The following INHBA variants were observed in gnomAD, a reference collection of about 807,000 sequenced individuals.
INHBA encodes inhibin beta A chain.
INHBA carries 1 observed loss-of-function variant against 29.0 expected under a neutral mutation model. The observed-to-expected ratio is 0.03, with a 90% confidence interval of 0.01 to 0.16. The LOEUF is 0.16. Among genes scored for constraint, INHBA ranks in the 10% least tolerant of loss-of-function variants. INHBA has a pLI of 1.00. For missense variants in INHBA, 376 were observed against 545.4 expected (o/e 0.69, Z 3.09); for synonymous variants, 242 against 216.8 (o/e 1.12, Z -1.02).
At position 41,690,096 on chromosome 7, in the gene INHBA, C is replaced by T; in HGVS notation, c.835G>A (p.Ala279Thr). ...GKKKGGGEGG[A>T]GADEEKEQSH... ...TGCTCCTTTTCCTCATCTGCTCCTG[C>T]CCCACCTTCACCTCCGCCCTTCTTT... Residue 279 changes from alanine (A) to threonine (T), a missense_variant, in exon 3 of 3, where the codon GCA (alanine) becomes ACA (threonine). By Grantham distance (58) the Ala-to-Thr change is moderately conservative. Transcript: ENST00000242208. 5 of 1,613,772 alleles carry T rather than the reference C, an allele frequency of 3.1e-6. No homozygotes were observed. Among genetic ancestry groups the T allele is most frequent in the Non-Finnish European group, 4.2e-6 (5 of 1,179,972 alleles).
chr7:41,699,548 A>T (rs1349816268), intron 2 of INHBA, among the ~76,000 whole-genome samples: 2 of 152,072 alleles, frequency 1.3e-5, no homozygotes, highest in Non-Finnish European at 2.9e-5. Flanking sequence ...ATCCTGGTAC[A>T]TTCACCCCTC....
At position 41,700,443 on chromosome 7, in the gene INHBA, GT is replaced by G. The variant is rs1794754579; in HGVS notation, c.-70del. On this transcript the variant is annotated 5_prime_UTR_variant, in exon 2 of 3. Coordinates refer to ENST00000242208, the MANE Select transcript of INHBA (RefSeq NM_002192.4). ...GCTTTTCCTCCCCCCTCACGCGCAG[GT>G]TTTTTTGTGTGTGTGGATTTTTTTA... 4 of 1,305,970 alleles carry G rather than the reference GT, an allele frequency of 3.1e-6. No individual in the cohort carries two copies. The highest frequency in any genetic ancestry group is 4.0e-6 in the Non-Finnish European group (4 of 1,002,724). The allele number at this position is 1,305,970 out of a possible 1,614,324, so 80.9% of individuals were successfully genotyped here.
chr7:41,705,163 A>T (rs1208260071), upstream of INHBA: 3 of 152,526 alleles, frequency 2.0e-5, no homozygotes, highest in African/African-American at 4.8e-5. Flanking sequence ...TGGTCAGCCC[A>T]GTCCTGACCA....
At chr7:41,694,783 T>C (rs967486698) in intron 2 of INHBA, among the ~76,000 whole-genome samples, 2 of 152,122 alleles carry the variant, frequency 1.3e-5, no homozygotes, top group African/African-American at 4.8e-5. Flanking sequence ...TCTATGAGCT[T>C]GGTGGACACA....
chr7:41,701,093 T>C (rs1794781903), intron 1 of INHBA, among the ~76,000 whole-genome samples: 1 of 152,144 alleles, frequency 6.6e-6, no homozygotes, highest in South Asian at 2.1e-4. Flanking sequence ...CACTATTTTT[T>C]TTTCTTTCTC....
Position 41,690,463 on chromosome 7 carries a change from C to G in INHBA, c.468G>C (p.Trp156Cys). The G allele has an allele frequency of 6.2e-7, 1 of 1,613,954 alleles. No individual in the cohort carries two copies. The highest frequency in any genetic ancestry group is 8.5e-7 in the Non-Finnish European group (1 of 1,180,032). ...TGGCCTTGGGGACTTTTAGGAAGAG[C>G]CAGACTTCTGCACGCTCCACCACTG... ...DLSVVERAEVWLFLKVPKANR... is the reference protein window; with the variant it reads ...DLSVVERAEVCLFLKVPKANR... The change falls in exon 3 of 3, where the codon TGG (tryptophan) becomes TGC (cysteine). Residue 156 changes from tryptophan (W) to cysteine (C), a missense_variant. By Grantham distance (215) the Trp-to-Cys change is radical (BLOSUM62 -2). Transcript: ENST00000242208.
intron 2 of INHBA, among the ~76,000 whole-genome samples, chr7:41,694,733 C>T (rs1347779545): frequency 2.0e-5 from 3 of 152,160 alleles, no homozygotes. Flanking sequence ...GAAAGTCCCA[C>T]GCAAACCCAT....
chr7:41,700,075 A>G lies in INHBA; in HGVS notation c.300T>C (p.Tyr100=), dbSNP rs757935652. 18 of 1,613,110 alleles carry G rather than the reference A, an allele frequency of 1.1e-5. No homozygotes were observed. Among genetic ancestry groups the G allele is most frequent in the Non-Finnish European group, 1.4e-5 (17 of 1,179,784 alleles). Residue 100 remains tyrosine (Y), a synonymous_variant, in exon 2 of 3, where the codon TAT becomes TAC. Coordinates refer to ENST00000242208, the MANE Select transcript of INHBA (RefSeq NM_002192.4). ...TTCCAATGTCATCCTCTATCTCCACATACCCGTTCTCCCCGACTTTGCCCA... is the reference window on the plus strand; with the variant it reads ...TTCCAATGTCATCCTCTATCTCCACGTACCCGTTCTCCCCGACTTTGCCCA... ...LHVGKVGENG[Y]VEIEDDIGRR... is the part of the protein sequence containing the mutation.
rs1370180190 is a variant in INHBA at position 41,686,302 on chromosome 7, C to A, written c.*3348G>T. 2 of 152,002 alleles carry A rather than the reference C, an allele frequency of 1.3e-5. No homozygotes were observed. The highest frequency in any genetic ancestry group is 1.9e-4 in the East Asian group (1 of 5,182). 9.4% of individuals were successfully genotyped at this position (152,002 alleles called of 1,614,324 possible). Reference sequence around the variant, plus strand: ...ATTAAAAGATATTTAAAGACAAATTCTTTTCAGAGCTTCTAAGATTGGTGT... The same window carrying A: ...ATTAAAAGATATTTAAAGACAAATTATTTTCAGAGCTTCTAAGATTGGTGT... On this transcript the variant is annotated 3_prime_UTR_variant, in exon 3 of 3. Transcript: ENST00000242208.
At chr7:41,698,438 G>A (rs769739594) in intron 2 of INHBA, among the ~76,000 whole-genome samples, 28 of 152,138 alleles carry the variant, frequency 1.8e-4, no homozygotes, top group Admixed American at 6.5e-5. Flanking sequence ...CACATGCACA[G>A]CCAAATATTG....
In INHBA at chr7:41,690,514, C is replaced by T. The variant is rs774041611; in HGVS notation, c.417G>A (p.Glu139=). 1.1e-5 allele frequency: 18 copies of T among 1,608,990 alleles called. No homozygotes were observed. The highest frequency in any genetic ancestry group is 1.4e-5 in the Non-Finnish European group (17 of 1,177,908). ...SGTARKTLHF[E]ISKEGSDLSV... ...ACAGGTCACTGCCTTCCTTGGAAAT[C>T]TCGAAGTGCAGCGTCTTCCTGGCTG... The change falls in exon 3 of 3, where the codon GAG becomes GAA. Residue 139 remains glutamate, a synonymous_variant. Transcript: ENST00000242208.
rs774463919 is a variant in INHBA, at chr7:41,700,042, T to C, written c.333A>G (p.Ala111=). The C allele has an allele frequency of 3.7e-6, 6 of 1,609,050 alleles. No individual in the cohort carries two copies. In the East Asian group the frequency reaches 9.0e-5, roughly 24 times the overall value. Reference sequence around the variant, plus strand: ...TCTGCTCCATAAGTTCATTCATTTCTGCCCTCCTTCCAATGTCATCCTCTA... The same window carrying C: ...TCTGCTCCATAAGTTCATTCATTTCCGCCCTCCTTCCAATGTCATCCTCTA... The part of the protein sequence containing the change: ...VEIEDDIGRR[A]EMNELMEQTS... The change falls in exon 2 of 3, where the codon GCA becomes GCG. Residue 111 remains alanine (A), a synonymous_variant. Transcript: ENST00000242208.
rs1445921771 is a variant in INHBA at position 41,689,409 on chromosome 7, C to T, written c.*241G>A. 6.3e-6 allele frequency: 3 copies of T among 473,254 alleles called. No homozygotes were observed. Among genetic ancestry groups the T allele is most frequent in the Non-Finnish European group, 1.1e-5 (3 of 270,876 alleles). 29.3% of individuals were successfully genotyped at this position (473,254 alleles called of 1,614,324 possible). A position where few individuals can be genotyped will look rare whatever the true frequency, so the allele number is the denominator to read the frequency against. On this transcript the variant is annotated 3_prime_UTR_variant, in exon 3 of 3. Coordinates refer to ENST00000242208, the MANE Select transcript of INHBA (RefSeq NM_002192.4). ...GGGTACACCATTCTCCCTTTCCCTC[C>T]CAATTCCTGTCTCTTTCACTGCTTC...
upstream of INHBA, among the ~76,000 whole-genome samples, chr7:41,704,472 C>G (rs1393926119): frequency 6.6e-6 from 1 of 152,086 alleles, no homozygotes; most frequent in Non-Finnish European, 1.5e-5. Context: ...GAACTCAAAC[C>G]CTTTATAAGA....
At chr7:41,705,368 C>G (rs1351105391), upstream of INHBA, 1 of 152,320 alleles carries the variant, frequency 6.6e-6, no homozygotes, top group African/African-American at 2.4e-5. Flanking sequence ...TGCCTGGAGC[C>G]AGGGCCAAGC....
Position 41,689,523 on chromosome 7 carries a change from G to GTT in INHBA, c.*125_*126dup, listed in dbSNP as rs202220254. ...TTTTAATTTACTTTTGTTTTTTTTT[G>GTT]TTTTTTTTTTTGTTTTGTTTTTAAT... is the stretch of plus-strand genomic sequence containing the variant. On this transcript the variant is annotated 3_prime_UTR_variant, in exon 3 of 3. Transcript: ENST00000242208. 3.9e-3 allele frequency: 2,171 copies of GTT among 562,088 alleles called. 4 individuals are homozygous for GTT. The highest frequency in any genetic ancestry group is 0.014 in the Middle Eastern group (25 of 1,738). 34.8% of individuals were successfully genotyped at this position (562,088 alleles called of 1,614,324 possible).
Position 41,700,461 on chromosome 7 carries a change from A to AT in INHBA, c.-88dup, listed in dbSNP as rs1173838532. 68 of 1,134,448 alleles carry AT rather than the reference A, an allele frequency of 6.0e-5. No homozygotes were observed. Among genetic ancestry groups the AT allele is most frequent in the Middle Eastern group, 2.8e-4 (1 of 3,604 alleles). The allele number at this position is 1,134,448 out of a possible 1,614,324, so 70.3% of individuals were successfully genotyped here. On this transcript the variant is annotated 5_prime_UTR_variant, in exon 2 of 3. Coordinates refer to ENST00000242208, the MANE Select transcript of INHBA (RefSeq NM_002192.4). ...CGCGCAGGTTTTTTTGTGTGTGTGGATTTTTTTATTTTTTTTTTTGGTGTT... is the reference window on the plus strand; with the variant it reads ...CGCGCAGGTTTTTTTGTGTGTGTGGATTTTTTTTATTTTTTTTTTTGGTGTT...
At chr7:41,704,628 G>A (rs1794871575), upstream of INHBA, among the ~76,000 whole-genome samples, 3 of 142,962 alleles carry the variant, frequency 2.1e-5, no homozygotes, top group South Asian at 6.9e-4. Context: ...GTGTGTGTGT[G>A]TGTGTGTGTG....
In INHBA at chr7:41,688,525, G is replaced by A. The variant is rs1420343770; in HGVS notation, c.*1125C>T. 1.3e-5 allele frequency: 2 copies of A among 151,226 alleles called. No individual in the cohort carries two copies. The highest frequency in any genetic ancestry group is 1.3e-4 in the Admixed American group (2 of 15,166). The allele number at this position is 151,226 out of a possible 1,614,324, so 9.4% of individuals were successfully genotyped here. A position where few individuals can be genotyped will look rare whatever the true frequency, so the allele number is the denominator to read the frequency against. ...TTGGTGTATGTGTCTATTTTTTAAG[G>A]TACAAAATAATAATAATAATTATAA... On this transcript the variant is annotated 3_prime_UTR_variant, in exon 3 of 3. Coordinates refer to ENST00000242208, the MANE Select transcript of INHBA (RefSeq NM_002192.4).
Sources: allele counts gnomAD v4.1 joint callset (sites outside exome capture counted in the v4.1 genomes callset), GRCh38; gene constraint gnomAD v4.1.1; transcripts MANE v1.5; gene names NCBI Gene and HGNC (gene_info 2026-07-23, HGNC 2026-07-21).